The following SHROOM4 variants were observed in gnomAD, a reference collection of about 807,000 sequenced individuals.
SHROOM4 encodes shroom family member 4.
A neutral mutation model predicts 80.3 loss-of-function variants in SHROOM4; 17 were observed. The observed-to-expected ratio is 0.21, with a 90% CI of 0.14 to 0.32. SHROOM4 has a LOEUF of 0.32. SHROOM4 is among the 10% of genes least tolerant of loss of function. The pLI, the probability that SHROOM4 is intolerant of heterozygous loss-of-function variation, is 1.00. For missense variants in SHROOM4, 993 were observed against 1,140.3 expected (o/e 0.87, Z 1.86); for synonymous variants, 400 against 437.5 (o/e 0.91, Z 1.07).
intron 2 of SHROOM4, among the ~76,000 whole-genome samples, chrX:50,685,152 C>T (rs782441460): frequency 2.6e-4 from 29 of 111,326 alleles, no homozygotes; most frequent in Non-Finnish European, 4.3e-4. Flanking sequence ...AGTAGCAGGA[C>T]GAAGGAAAAG....
intron 2 of SHROOM4, among the ~76,000 whole-genome samples, chrX:50,659,498 G>A (rs1932423496): frequency 8.9e-6 from 1 of 111,987 alleles, no homozygotes. Context: ...ATCAGCAGAA[G>A]AGTGGGGAGG....
At chrX:50,641,753 C>G (rs1931609036) in intron 2 of SHROOM4, among the ~76,000 whole-genome samples, 1 of 112,174 alleles carries the variant, frequency 8.9e-6, no homozygotes, top group South Asian at 3.7e-4. Flanking sequence ...GCTAGGATTA[C>G]AGGCATGTGC....
At position 50,591,800 on chromosome X, in the gene SHROOM4, CT is replaced by C. The variant is rs1292334240; in HGVS notation, c.*4894del. ...TGGTGTGGTCTCAGCTCACTGCAAT[CT>C]CTGCCTTCCAGGTTCAAGCAATTCT... On this transcript the variant is annotated 3_prime_UTR_variant, in exon 9 of 9. Transcript: ENST00000376020. 9.8e-6 allele frequency: 3 copies of C among 304,998 alleles called. No individual in the cohort carries two copies. The highest frequency in any genetic ancestry group is 8.4e-5 in the African/African-American group (3 of 35,893). 25.1% of individuals were successfully genotyped at this position (304,998 alleles called of 1,213,427 possible). A position where few individuals can be genotyped will look rare whatever the true frequency, so the allele number is the denominator to read the frequency against.
chrX:50,606,107 T>G (rs1557248461), intron 6 of SHROOM4, among the ~76,000 whole-genome samples: 6 of 107,947 alleles, frequency 5.6e-5, no homozygotes. Context: ...ATACTTTAAA[T>G]TTTAGGGTAC....
the SHROOM4 span, among the ~76,000 whole-genome samples, chrX:50,581,571 A>G: frequency 3.6e-5 from 4 of 111,964 alleles, no homozygotes; most frequent in Admixed American, 2.8e-4. Context: ...TATTTAGCAC[A>G]CATTAAATGA....
At chrX:50,738,479 A>G (rs1167546428) in intron 1 of SHROOM4, among the ~76,000 whole-genome samples, 1 of 111,951 alleles carries the variant, frequency 8.9e-6, no homozygotes, top group Non-Finnish European at 1.9e-5. Context: ...ACTTCAGCAA[A>G]GTCTCAGGAT....
intron 2 of SHROOM4, among the ~76,000 whole-genome samples, chrX:50,675,847 G>A (rs1932848318): frequency 9.0e-6 from 1 of 111,475 alleles, no homozygotes. Flanking sequence ...TCCCCTCAAT[G>A]CATTAACATT....
At chrX:50,642,549 G>A (rs193036748) in intron 2 of SHROOM4, among the ~76,000 whole-genome samples, 1 of 111,895 alleles carries the variant, frequency 8.9e-6, no homozygotes, top group Non-Finnish European at 1.9e-5. Flanking sequence ...TCAGACTCCT[G>A]GGCATAAGCT....
chrX:50,625,643 T>C (rs1557252902), intron 5 of SHROOM4, among the ~76,000 whole-genome samples: 6 of 111,578 alleles, frequency 5.4e-5, no homozygotes. Flanking sequence ...CTGCTCCATT[T>C]CTATCGCACC....
downstream of SHROOM4, among the ~76,000 whole-genome samples, chrX:50,582,785 T>C (rs1275851018): frequency 8.9e-6 from 1 of 111,736 alleles, no homozygotes; most frequent in African/African-American, 3.2e-5. Context: ...AAAATTATAA[T>C]ATACTTGAAC....
chrX:50,733,733 G>A (rs1172406347), intron 1 of SHROOM4, among the ~76,000 whole-genome samples: 4 of 111,887 alleles, frequency 3.6e-5, no homozygotes, highest in Non-Finnish European at 5.6e-5. Context: ...GTCCACTTTC[G>A]TCAAATCCAC....
chrX:50,730,936 A>C (rs1934356824), intron 1 of SHROOM4, among the ~76,000 whole-genome samples: 1 of 111,564 alleles, frequency 9.0e-6, no homozygotes, highest in Non-Finnish European at 1.9e-5. Context: ...ACTCAAGTAC[A>C]CAGAAAGAAA....
intron 5 of SHROOM4, among the ~76,000 whole-genome samples, chrX:50,622,597 A>G (rs781785608): frequency 6.2e-5 from 7 of 112,234 alleles, no homozygotes; most frequent in Non-Finnish European, 1.1e-4. Flanking sequence ...AGGCAAAGAG[A>G]GTGGCTTAAG....
chrX:50,690,420 TG>T (rs1195078108), intron 2 of SHROOM4, among the ~76,000 whole-genome samples: 5 of 111,925 alleles, frequency 4.5e-5, no homozygotes, highest in African/African-American at 1.3e-4. Flanking sequence ...CATATTATAT[TG>T]AATTATTAGT....
rs781942320 is a variant in SHROOM4 at position 50,591,694 on chromosome X, T to TTTC, written c.*5000_*5001insGAA. On this transcript the variant is annotated 3_prime_UTR_variant, in exon 9 of 9. Transcript: ENST00000376020. ...TTTTCTTTCTTTCTTTCTTTCTTTC[T>TTTC]TTTCTTTCTTTCTTTCTTTCTTTCT... 98 of 248,972 alleles carry TTTC rather than the reference T, an allele frequency of 3.9e-4. No individual in the cohort carries two copies. The highest frequency in any genetic ancestry group is 2.6e-3 in the Middle Eastern group (2 of 757). The allele number at this position is 248,972 out of a possible 1,213,427, so 20.5% of individuals were successfully genotyped here.
Position 50,596,675 on chromosome X carries a change from G to T in SHROOM4, c.*20C>A. 1 of 1,207,437 alleles carries T rather than the reference G, an allele frequency of 8.3e-7. No individual in the cohort carries two copies. ...TCCCACATGGCTGGGCAGGGATGCT[G>T]TGGCAGAGTGCTGGTAGAATTAGAA... On this transcript the variant is annotated 3_prime_UTR_variant, in exon 9 of 9. Transcript: ENST00000376020.
At position 50,591,758 on chromosome X, in the gene SHROOM4, C is replaced by T. The variant is rs782336634; in HGVS notation, c.*4937G>A. On this transcript the variant is annotated 3_prime_UTR_variant, in exon 9 of 9. Transcript: ENST00000376020. ...TTTGAGACAAAGTCTCACTCTGTTG[C>T]CCAGGATGGAGTGCAGTGGTGTGGT... 3 of 297,578 alleles carry T rather than the reference C, an allele frequency of 1.0e-5. No homozygotes were observed. Among genetic ancestry groups the T allele is most frequent in the Non-Finnish European group, 1.9e-5 (3 of 159,749 alleles). The allele number at this position is 297,578 out of a possible 1,213,427, so 24.5% of individuals were successfully genotyped here.
chrX:50,677,272 T>C (rs1932866176), intron 2 of SHROOM4, among the ~76,000 whole-genome samples: 1 of 111,499 alleles, frequency 9.0e-6, no homozygotes, highest in Non-Finnish European at 1.9e-5. Context: ...TAAATTAAGA[T>C]TTGGGATGAG....
At chrX:50,722,431 T>G (rs1452448039) in intron 1 of SHROOM4, among the ~76,000 whole-genome samples, 2 of 110,592 alleles carry the variant, frequency 1.8e-5, no homozygotes, top group Non-Finnish European at 3.8e-5. Context: ...CTCAGTAGAT[T>G]TTCCTCTGGT....
Sources: gnomAD v4.1 joint callset for allele counts (sites outside exome capture counted in the v4.1 genomes callset) on GRCh38, gnomAD v4.1.1 for gene constraint, MANE v1.5 for transcripts, NCBI Gene and HGNC (gene_info 2026-07-23, HGNC 2026-07-21) for gene names.